The following WNK2 variants were observed in gnomAD, a reference collection of about 807,000 sequenced individuals.
The protein encoded by WNK2 is WNK lysine deficient protein kinase 2.
WNK2 carries 67 observed loss-of-function variants against 192.1 expected under a neutral mutation model. The ratio of observed to expected loss-of-function variants is 0.35; its 90% CI spans 0.29 to 0.43. The LOEUF (loss-of-function observed/expected upper bound fraction) is 0.43. WNK2 is among the 20% of genes least tolerant of loss of function. The pLI is 1.00. For synonymous variants in WNK2, 1,439 were observed against 1,393.9 expected (o/e 1.03, Z -0.72); for missense variants, 2,698 against 3,089.7 (o/e 0.87, Z 3.01).
intron 19 of WNK2, among the ~76,000 whole-genome samples, chr9:93,278,819 A>G (rs1423666448): frequency 6.6e-6 from 1 of 152,256 alleles, no homozygotes; most frequent in African/African-American, 2.4e-5. Context: ...TGTAGTTCAT[A>G]TGTTCAAAAA....
intron 19 of WNK2, among the ~76,000 whole-genome samples, chr9:93,283,436 A>G (rs1342198458): frequency 6.6e-6 from 1 of 152,214 alleles, no homozygotes; most frequent in Non-Finnish European, 1.5e-5. Flanking sequence ...GAAAGACATA[A>G]GTAATCAATA....
At chr9:93,305,599 G>A (rs557525454) in intron 26 of WNK2, among the ~76,000 whole-genome samples, 1 of 152,336 alleles carries the variant, frequency 6.6e-6, no homozygotes, top group Admixed American at 6.5e-5. Flanking sequence ...AAAAATAGTT[G>A]AGCTAGGTTT....
chr9:93,273,575 C>A (rs1303443352), intron 19 of WNK2, among the ~76,000 whole-genome samples: 1 of 152,188 alleles, frequency 6.6e-6, no homozygotes, highest in Non-Finnish European at 1.5e-5. Context: ...AAATCCACAA[C>A]TGTAGTTGGA....
At chr9:93,312,177 T>C (rs903166375) in intron 28 of WNK2, among the ~76,000 whole-genome samples, 4 of 152,200 alleles carry the variant, frequency 2.6e-5, no homozygotes, top group African/African-American at 4.8e-5. Context: ...TTATCAGATA[T>C]ATGATCTGTT....
intron 20 of WNK2, 144 bp from the exon 21 acceptor site, chr9:93,289,834 T>C: frequency 1.1e-6 from 1 of 892,530 alleles, no homozygotes; most frequent in Non-Finnish European, 1.7e-6. Context: ...CAGCGTCAGG[T>C]GACTCAGCCC....
intron 2 of WNK2, among the ~76,000 whole-genome samples, chr9:93,187,878 G>A (rs189386444): frequency 1.1e-4 from 17 of 152,242 alleles, no homozygotes; most frequent in Admixed American, 8.5e-4. Flanking sequence ...TGGGAGGGGC[G>A]TTGGACTCTG....
intron 29 of WNK2, chr9:93,318,265 GC>G (rs1855087890): frequency 6.6e-7 from 1 of 1,503,908 alleles, no homozygotes; most frequent in South Asian, 1.3e-5. Flanking sequence ...CAAATCTGAA[GC>G]TGAAGTTCAA....
At chr9:93,297,816 G>A in intron 23 of WNK2, 37 bp from the exon 24 acceptor site, 2 of 1,539,346 alleles carry the variant, frequency 1.3e-6, no homozygotes, top group Non-Finnish European at 1.8e-6. Context: ...AAACACCGAG[G>A]AAGCCCATCG....
intron 23 of WNK2, among the ~76,000 whole-genome samples, chr9:93,297,210 G>A (rs368989280): frequency 3.8e-5 from 4 of 104,078 alleles, no homozygotes; most frequent in Non-Finnish European, 7.6e-5. Flanking sequence ...CCACCCCTCC[G>A]CATCCTCCCC....
chr9:93,268,100 G>T, intron 18 of WNK2, 35 bp downstream of exon 18: 1 of 1,586,718 alleles, frequency 6.3e-7, no homozygotes, highest in African/African-American at 1.3e-5. Flanking sequence ...CTTTTAAGCA[G>T]GCGTTTGATG....
intron 19 of WNK2, among the ~76,000 whole-genome samples, chr9:93,279,256 C>G (rs1847376520): frequency 6.6e-6 from 1 of 152,144 alleles, no homozygotes; most frequent in Non-Finnish European, 1.5e-5. Context: ...AATAAGTGAG[C>G]TGGGTAGTAA....
chr9:93,289,960 T>C lies in WNK2; in HGVS notation c.4867-18T>C, dbSNP rs1268845187. On this transcript the variant is annotated intron_variant, in intron 20 of 29. Coordinates refer to ENST00000427277, the MANE Select transcript of WNK2 (RefSeq NM_006648.4). Reference sequence around the variant, plus strand: ...TGTGAGTCTCACGGCTCTTCTCTTTTTGTGTTTCTTTCTCCAGGTGGAGAA... The same window carrying C: ...TGTGAGTCTCACGGCTCTTCTCTTTCTGTGTTTCTTTCTCCAGGTGGAGAA... 2.6e-6 allele frequency: 4 copies of C among 1,555,744 alleles called. No individual in the cohort carries two copies. The East Asian group carries it at 9.6e-5, about 37-fold the overall frequency.
At chr9:93,253,127 C>T in intron 9 of WNK2, 45 bp downstream of exon 9, 6 of 1,348,110 alleles carry the variant, frequency 4.5e-6, no homozygotes, top group Non-Finnish European at 5.7e-6. Flanking sequence ...TCCCCATTAC[C>T]TGGTCTGAGG....
rs1486274765 is a variant in WNK2 at position 93,256,179 on chromosome 9, G to A, written c.2035-120G>A. ...CACTGCTTCTGCTGTCATGTTCCTG[G>A]GAAGAGGGACCCTGGTAGGGACCAG... On this transcript the variant is annotated intron_variant, in intron 9 of 29. Transcript: ENST00000427277. 1.7e-5 allele frequency: 21 copies of A among 1,227,890 alleles called. No homozygotes were observed. The Admixed American group carries it at 3.7e-4, about 22-fold the overall frequency. The allele number at this position is 1,227,890 out of a possible 1,614,324, so 76.1% of individuals were successfully genotyped here.
chr9:93,227,650 T>A (rs1304242340), intron 2 of WNK2, among the ~76,000 whole-genome samples: 6 of 152,192 alleles, frequency 3.9e-5, no homozygotes, highest in Non-Finnish European at 7.3e-5. Flanking sequence ...TTTTCCCAGT[T>A]TGTGACTTGA....
chr9:93,230,841 C>T (rs41278248), intron 3 of WNK2, 47 bp from the exon 4 acceptor site: 58 of 1,563,040 alleles, frequency 3.7e-5, no homozygotes, highest in South Asian at 5.7e-5. Context: ...GCTAGGGGGC[C>T]GCTGCCGGCG....
intron 7 of WNK2, among the ~76,000 whole-genome samples, chr9:93,244,252 G>A (rs1421729465): frequency 1.3e-5 from 2 of 152,176 alleles, no homozygotes; most frequent in African/African-American, 4.8e-5. Flanking sequence ...AGTTCCACTC[G>A]GCAGATGGAA....
chr9:93,221,397 G>A (rs1474683252), intron 2 of WNK2, among the ~76,000 whole-genome samples: 2 of 152,300 alleles, frequency 1.3e-5, no homozygotes, highest in South Asian at 2.1e-4. Context: ...TGGAGAGTTT[G>A]TGACAAGGCC....
In WNK2 at chr9:93,229,570, G is replaced by A. The variant is rs1838384502; in HGVS notation, c.682-126G>A. The A allele has an allele frequency of 1.8e-6, 2 of 1,089,974 alleles. No individual in the cohort carries two copies. Among genetic ancestry groups the A allele is most frequent in the South Asian group, 3.1e-5 (2 of 63,496 alleles). 67.5% of individuals were successfully genotyped at this position (1,089,974 alleles called of 1,614,324 possible). ...AGTGTCTGCATGCCCTTCTATCATA[G>A]CCGCTTAGCTGCCTGTGGGTATGGG... On this transcript the variant is annotated intron_variant, in intron 2 of 29. Transcript: ENST00000427277. The surrounding 1 kb of genome is among the most constrained non-coding windows in gnomAD (Gnocchi z 4.9).
Sources: allele counts gnomAD v4.1 joint callset (sites outside exome capture counted in the v4.1 genomes callset), GRCh38; gene constraint gnomAD v4.1.1; non-coding constraint Gnocchi (gnomAD v3.1); transcripts MANE v1.5; gene names NCBI Gene and HGNC (gene_info 2026-07-23, HGNC 2026-07-21).